The following PML variants were observed in gnomAD, a reference collection of about 807,000 sequenced individuals.
PML encodes PML nuclear body scaffold, also known as protein PML.
Under a neutral mutation model 65.2 loss-of-function variants are expected in PML, and 28 were observed. The ratio of observed to expected loss-of-function variants is 0.43; its 90% CI spans 0.32 to 0.59. PML has a LOEUF of 0.59. Ranked by LOEUF, PML falls within the 20% of genes least tolerant of loss-of-function variation. The pLI is 0.08. For synonymous variants in PML, 500 were observed against 508.8 expected (o/e 0.98, Z 0.23); for missense variants, 1,021 against 1,203.4 (o/e 0.85, Z 2.24).
Position 74,047,737 on chromosome 15 carries a change from T to A in PML, c.*2729T>A, listed in dbSNP as rs1412948494. On this transcript the variant is annotated 3_prime_UTR_variant, in exon 9 of 9. Transcript: ENST00000268058. The stretch of plus-strand genomic sequence containing the variant: ...ATAGCTTTTTGGTATATTTTAAAAG[T>A]GCACAAATTTAAGATCTTACTGCTT... The A allele has an allele frequency of 5.3e-6, 1 of 188,484 alleles. No homozygotes were observed. Among genetic ancestry groups the A allele is most frequent in the Admixed American group, 6.2e-5 (1 of 16,198 alleles). The allele number at this position is 188,484 out of a possible 1,614,324, so 11.7% of individuals were successfully genotyped here. A position where few individuals can be genotyped will look rare whatever the true frequency, so the allele number is the denominator to read the frequency against.
chr15:74,010,374 T>C (rs949600151), intron 2 of PML, among the ~76,000 whole-genome samples: 37 of 151,182 alleles, frequency 2.4e-4, no homozygotes, highest in African/African-American at 7.8e-4. Context: ...AACAAGCTTT[T>C]GGCATAGTGG....
chr15:74,035,458 T>C lies in PML; in HGVS notation c.1710+928T>C, dbSNP rs2071508682. The C allele has an allele frequency of 1.2e-6, 2 of 1,612,302 alleles. No homozygotes were observed. Among genetic ancestry groups the C allele is most frequent in the East Asian group, 4.5e-5 (2 of 44,852 alleles). On this transcript the variant is annotated intron_variant, in intron 7 of 8. Transcript: ENST00000268058. The surrounding 1 kb of genome is among the most constrained non-coding windows in gnomAD (Gnocchi z 4.1). ...CTGTTGTACAGAGCACAGAGAGCCA[T>C]CCGCCTTCGCCATGCCCTCCGCTTG...
At chr15:74,021,573 G>A (rs1036381894) in intron 2 of PML, among the ~76,000 whole-genome samples, 5 of 150,662 alleles carry the variant, frequency 3.3e-5, no homozygotes, top group Admixed American at 3.3e-4. Context: ...CAACAAGAGC[G>A]AAACTCCATC....
chr15:74,015,996 C>T lies in PML; in HGVS notation c.603-6832C>T, dbSNP rs150942927. Among the ~76,000 whole-genome samples the T allele has an allele frequency of 5.5e-3, 838 of 152,254 alleles. 2 individuals carry two copies. The highest frequency in any genetic ancestry group is 9.2e-3 in the Non-Finnish European group (624 of 68,024). On this transcript the variant is annotated intron_variant, in intron 2 of 8. Coordinates refer to ENST00000268058, the MANE Select transcript of PML (RefSeq NM_033238.3). ...GAGGCTTCTATTAAAATACACTACTCGGCCAGGCGAGATGGCTCATGCCTG... is the reference window on the plus strand; with the variant it reads ...GAGGCTTCTATTAAAATACACTACTTGGCCAGGCGAGATGGCTCATGCCTG...
chr15:74,012,208 C>G (rs932384101), intron 2 of PML, among the ~76,000 whole-genome samples: 12 of 152,196 alleles, frequency 7.9e-5, no homozygotes, highest in African/African-American at 2.9e-4. Flanking sequence ...CAGAGTCTCG[C>G]TCTGTTGCCC....
At chr15:74,000,746 G>A (rs543542335) in intron 2 of PML, among the ~76,000 whole-genome samples, 9 of 150,338 alleles carry the variant, frequency 6.0e-5, no homozygotes, top group South Asian at 2.1e-4. Context: ...ATTTTTTTTC[G>A]CCTGAATATT....
At chr15:74,025,918 G>C (rs2071051171) in intron 4 of PML, 1 of 152,430 alleles carries the variant, frequency 6.6e-6, no homozygotes, top group Non-Finnish European at 1.5e-5. Flanking sequence ...TCTGGTGGTG[G>C]GTAGGGGCCT....
chr15:74,031,112 C>T (rs1270098207), intron 4 of PML, among the ~76,000 whole-genome samples: 2 of 151,794 alleles, frequency 1.3e-5, no homozygotes, highest in African/African-American at 2.4e-5. Context: ...CAAAAGGAAA[C>T]CCCTTACCCA....
Position 74,022,914 on chromosome 15 carries a change from G to C in PML, c.689G>C (p.Ser230Thr). The change falls in exon 3 of 9, where the codon AGC becomes ACC. Residue 230 changes from serine (S) to threonine (T), a missense_variant. Transcript: ENST00000268058. ...SSHSELKCDI[S>T]AEIQQRQEEL... Reference sequence around the variant, plus strand: ...CACAGTGAGCTCAAGTGCGACATCAGCGCAGAGATCCAGCAGCGACAGGAG... The same window carrying C: ...CACAGTGAGCTCAAGTGCGACATCACCGCAGAGATCCAGCAGCGACAGGAG... 1 of 1,613,014 alleles carries C rather than the reference G, an allele frequency of 6.2e-7. No homozygotes were observed. The highest frequency in any genetic ancestry group is 8.5e-7 in the Non-Finnish European group (1 of 1,179,644).
intron 7 of PML, 115 bp downstream of exon 7, chr15:74,034,645 G>A (rs2071465164): frequency 6.2e-7 from 1 of 1,607,310 alleles, no homozygotes; most frequent in Non-Finnish European, 8.5e-7. Context: ...GAATTTTCCA[G>A]TGAGGCATTG....
Position 74,045,827 on chromosome 15 carries a change from C to G in PML, c.*819C>G, listed in dbSNP as rs1056755395. ...GTCCAGGACCTGCGGCATCAGCATC[C>G]CCTGGGAGCTTCTTAGAAATGCAGA... On this transcript the variant is annotated 3_prime_UTR_variant, in exon 9 of 9. Coordinates refer to ENST00000268058, the MANE Select transcript of PML (RefSeq NM_033238.3). 2 of 232,358 alleles carry G rather than the reference C, an allele frequency of 8.6e-6. No individual in the cohort carries two copies. Among genetic ancestry groups the G allele is most frequent in the Non-Finnish European group, 1.7e-5 (2 of 117,634 alleles). 14.4% of individuals were successfully genotyped at this position (232,358 alleles called of 1,614,324 possible).
chr15:74,032,952 G>A (rs1210138520), intron 5 of PML, among the ~76,000 whole-genome samples: 1 of 152,260 alleles, frequency 6.6e-6, no homozygotes, highest in East Asian at 1.9e-4. Context: ...GGTTGTCAGA[G>A]GCCAGCAGAG....
intron 7 of PML, among the ~76,000 whole-genome samples, chr15:74,039,154 G>T (rs141770372): frequency 6.6e-6 from 1 of 152,216 alleles, no homozygotes; most frequent in African/African-American, 2.4e-5. Flanking sequence ...TGGTGACGGC[G>T]GAGGAAGGGA....
Position 74,035,457 on chromosome 15 carries a change from A to C in PML, c.1710+927A>C. 1 of 1,612,430 alleles carries C rather than the reference A, an allele frequency of 6.2e-7. No homozygotes were observed. Among genetic ancestry groups the C allele is most frequent in the Non-Finnish European group, 8.5e-7 (1 of 1,179,992 alleles). On this transcript the variant is annotated intron_variant, in intron 7 of 8. Coordinates refer to ENST00000268058, the MANE Select transcript of PML (RefSeq NM_033238.3). This position sits in a 1 kb window ranked among gnomAD's most constrained non-coding sequence, Gnocchi z 4.1. ...CCTGTTGTACAGAGCACAGAGAGCC[A>C]TCCGCCTTCGCCATGCCCTCCGCTT...
chr15:74,006,989 C>T (rs1464138097), intron 2 of PML, among the ~76,000 whole-genome samples: 1 of 152,200 alleles, frequency 6.6e-6, no homozygotes, highest in Non-Finnish European at 1.5e-5. Context: ...CAAACACCTC[C>T]CACTAGACCC....
At chr15:74,036,861 C>A in intron 7 of PML, 1 of 874,978 alleles carries the variant, frequency 1.1e-6, no homozygotes, top group Non-Finnish European at 1.4e-6. Flanking sequence ...TTGCCATCAC[C>A]GAGCACTGTC....
chr15:74,023,026 G>C lies in PML; in HGVS notation c.801G>C (p.Gln267His), dbSNP rs779600459. Residue 267 changes from glutamine to histidine, a missense_variant, in exon 3 of 9, where the codon CAG becomes CAC. Transcript: ENST00000268058. The stretch of plus-strand genomic sequence containing the variant: ...CGCAGATGCACGCGGCCGTCGGCCA[G>C]CTGGGCCGCGCGCGTGCCGAGACCG... ...VHAQMHAAVG[Q>H]LGRARAETEE... 6 of 1,605,834 alleles carry C rather than the reference G, an allele frequency of 3.7e-6. No individual in the cohort carries two copies. In the Admixed American group the frequency reaches 5.0e-5, roughly 13 times the overall value.
chr15:74,038,272 G>A (rs1390339865), intron 7 of PML, among the ~76,000 whole-genome samples: 1 of 152,132 alleles, frequency 6.6e-6, no homozygotes, highest in Non-Finnish European at 1.5e-5. Context: ...CAAGTAGAGG[G>A]ACCCCAGCAA....
At chr15:74,018,126 C>T (rs1156970595) in intron 2 of PML, among the ~76,000 whole-genome samples, 1 of 151,756 alleles carries the variant, frequency 6.6e-6, no homozygotes, top group Non-Finnish European at 1.5e-5. Flanking sequence ...TCGAGACCAG[C>T]CTGGCCAACA....
Sources: allele counts gnomAD v4.1 joint callset (sites outside exome capture counted in the v4.1 genomes callset), GRCh38; gene constraint gnomAD v4.1.1; non-coding constraint Gnocchi (gnomAD v3.1); transcripts MANE v1.5; gene names NCBI Gene and HGNC (gene_info 2026-07-23, HGNC 2026-07-21).